Variants in AFF2 observed in about 807,000 individuals in gnomAD.
AFF2 encodes AF4/FMR2 family member 2.
In AFF2, 14 loss-of-function variants were observed where a neutral mutation model predicts 76.9. That is an observed-to-expected ratio of 0.18 (90% CI 0.12 to 0.28). AFF2 has a LOEUF of 0.28. Ranked by LOEUF, AFF2 falls within the 10% of genes least tolerant of loss-of-function variation. AFF2 has a pLI of 1.00. For synonymous variants in AFF2, 398 were observed against 366.7 expected, an observed-to-expected ratio of 1.09 and a Z score of -0.98; for missense variants, 868 against 1,001.1, an observed-to-expected ratio of 0.87 and a Z score of 1.79.
At chrX:148,911,018 C>G (rs1158955396) in intron 9 of AFF2, among the ~76,000 whole-genome samples, 2 of 110,509 alleles carry the variant, frequency 1.8e-5, no homozygotes, top group Non-Finnish European at 3.8e-5. Flanking sequence ...TGATTATACT[C>G]ATTTTAGAAC....
At chrX:148,774,383 T>G (rs1557268374) in intron 3 of AFF2, among the ~76,000 whole-genome samples, 1 of 111,728 alleles carries the variant, frequency 9.0e-6, no homozygotes, top group Non-Finnish European at 1.9e-5. Context: ...GAGCACAGAC[T>G]GACGTGGAAG....
intron 3 of AFF2, among the ~76,000 whole-genome samples, chrX:148,739,909 T>A (rs1240391494): frequency 1.8e-5 from 2 of 111,835 alleles, no homozygotes; most frequent in Admixed American, 9.5e-5. Flanking sequence ...ATATATGATG[T>A]GTACTTTCAC....
intron 7 of AFF2, among the ~76,000 whole-genome samples, chrX:148,855,008 G>T (rs1214918036): frequency 2.7e-5 from 3 of 111,515 alleles, no homozygotes; most frequent in African/African-American, 9.8e-5. Context: ...GACCAAAAGT[G>T]ATGTTCTCAC....
At chrX:148,842,024 T>C (rs1254058745) in intron 5 of AFF2, among the ~76,000 whole-genome samples, 2 of 112,474 alleles carry the variant, frequency 1.8e-5, no homozygotes, top group African/African-American at 6.5e-5. Context: ...TAAAAGATAA[T>C]GCTGTGAGCC....
At chrX:148,911,652 C>A (rs1203838405) in intron 9 of AFF2, among the ~76,000 whole-genome samples, 1 of 112,110 alleles carries the variant, frequency 8.9e-6, no homozygotes, top group African/African-American at 3.2e-5. Context: ...CTTTGTCTGG[C>A]AGGGCAAATG....
chrX:148,718,699 A>G (rs1011395230), intron 3 of AFF2, among the ~76,000 whole-genome samples: 1 of 110,771 alleles, frequency 9.0e-6, no homozygotes, highest in African/African-American at 3.3e-5. Flanking sequence ...CATATTTATA[A>G]TTTTTTTTTA....
At chrX:148,557,757 A>G (rs2053067717) in intron 1 of AFF2, among the ~76,000 whole-genome samples, 2 of 112,407 alleles carry the variant, frequency 1.8e-5, no homozygotes, top group Admixed American at 1.9e-4. Flanking sequence ...AATGCATGGA[A>G]ACATTCTCAA....
At chrX:148,661,464 G>GT (rs2054303258) in intron 2 of AFF2, among the ~76,000 whole-genome samples, 1 of 111,707 alleles carries the variant, frequency 9.0e-6, no homozygotes, top group Admixed American at 9.5e-5. Context: ...CCTTTTTCAT[G>GT]GTATAATGTG....
chrX:148,569,911 A>AAT (rs1427749424), intron 1 of AFF2, among the ~76,000 whole-genome samples: 3 of 112,033 alleles, frequency 2.7e-5, no homozygotes, highest in African/African-American at 9.7e-5. Flanking sequence ...GACCACATGT[A>AAT]ATATATATAA....
At chrX:148,905,093 G>C (rs1183208248) in intron 9 of AFF2, among the ~76,000 whole-genome samples, 1 of 112,221 alleles carries the variant, frequency 8.9e-6, no homozygotes, top group Non-Finnish European at 1.9e-5. Context: ...TACAGAAATG[G>C]AGAGTACATA....
At chrX:148,809,997 G>A in intron 4 of AFF2, 77 bp downstream of exon 4, 1 of 1,004,475 alleles carries the variant, frequency 1.0e-6, no homozygotes, top group Non-Finnish European at 1.4e-6. Flanking sequence ...AGTAATTACT[G>A]TTCTGTTTCA....
At chrX:148,878,792 A>G (rs1251049177) in intron 7 of AFF2, among the ~76,000 whole-genome samples, 1 of 112,206 alleles carries the variant, frequency 8.9e-6, no homozygotes, top group Non-Finnish European at 1.9e-5. Flanking sequence ...TAACACACAC[A>G]CTTCTAAAAA....
chrX:148,524,921 T>A (rs1373482387), intron 1 of AFF2, among the ~76,000 whole-genome samples: 1 of 112,130 alleles, frequency 8.9e-6, no homozygotes, highest in African/African-American at 3.2e-5. Flanking sequence ...CCCTTTTAAG[T>A]GTTCTAAAGG....
intron 7 of AFF2, among the ~76,000 whole-genome samples, chrX:148,853,102 C>T (rs1295428600): frequency 1.8e-5 from 2 of 111,537 alleles, no homozygotes; most frequent in Admixed American, 9.5e-5. Context: ...CCCTGTTTGC[C>T]TCACCCACAT....
intron 1 of AFF2, among the ~76,000 whole-genome samples, chrX:148,542,725 T>C (rs1202933489): frequency 9.0e-6 from 1 of 111,363 alleles, no homozygotes; most frequent in African/African-American, 3.3e-5. Context: ...AAACAAAGAT[T>C]ATTTCTCCTC....
chrX:148,958,651 T>C (rs2072071092), intron 12 of AFF2, among the ~76,000 whole-genome samples, 193 bp downstream of exon 12: 1 of 111,869 alleles, frequency 8.9e-6, no homozygotes, highest in African/African-American at 3.3e-5. Flanking sequence ...GAACATATGC[T>C]GCCAGAATTG....
intron 15 of AFF2, 98 bp from the exon 16 acceptor site, chrX:148,973,373 T>C: frequency 9.6e-7 from 1 of 1,041,874 alleles, no homozygotes; most frequent in Non-Finnish European, 1.3e-6. Flanking sequence ...ATGTTCCCTG[T>C]GGGAAGGGGG....
chrX:148,509,703 C>G (rs782490701), intron 1 of AFF2, among the ~76,000 whole-genome samples: 27 of 112,307 alleles, frequency 2.4e-4, no homozygotes, highest in African/African-American at 8.4e-4. Context: ...GCTCTTTCTC[C>G]TTTTCTAAAA....
At chrX:148,565,170 G>T (rs895906902) in intron 1 of AFF2, among the ~76,000 whole-genome samples, 1 of 111,749 alleles carries the variant, frequency 8.9e-6, no homozygotes. Flanking sequence ...TGCAGCCAAA[G>T]ATTATACCAT....
Sources: allele counts gnomAD v4.1 joint callset (sites outside exome capture counted in the v4.1 genomes callset), GRCh38; gene constraint gnomAD v4.1.1; transcripts MANE v1.5; gene names NCBI Gene and HGNC (gene_info 2026-07-23, HGNC 2026-07-21).